The following FGGY variants were observed in gnomAD, a reference collection of about 807,000 sequenced individuals.
FGGY encodes the protein FGGY carbohydrate kinase domain-containing protein.
A neutral mutation model predicts 71.3 loss-of-function variants in FGGY; 72 were observed. The observed-to-expected ratio is 1.01, with a 90% confidence interval of 0.84 to 1.23. The LOEUF (loss-of-function observed/expected upper bound fraction) is 1.23. FGGY is among the 50% of genes most tolerant of loss of function. FGGY has a pLI of 0.00. For missense variants in FGGY, 668 were observed against 682.3 expected, an observed-to-expected ratio of 0.98 and a Z score of 0.23; for synonymous variants, 251 against 250.3, an observed-to-expected ratio of 1.00 and a Z score of -0.02.
chr1:59,695,446 C>G (rs1003063694), intron 14 of FGGY, among the ~76,000 whole-genome samples: 1 of 152,164 alleles, frequency 6.6e-6, no homozygotes, highest in Non-Finnish European at 1.5e-5. Flanking sequence ...CATGTTGTAT[C>G]CTCATGACAA....
chr1:59,437,710 T>G (rs1026004099), intron 5 of FGGY, among the ~76,000 whole-genome samples: 4 of 152,352 alleles, frequency 2.6e-5, no homozygotes, highest in African/African-American at 9.6e-5. Context: ...TATATTTAAC[T>G]TAAAATGTTC....
Position 59,607,860 on chromosome 1 carries a change from G to T in FGGY, c.961G>T (p.Val321Leu), listed in dbSNP as rs1337855502. The stretch of plus-strand genomic sequence containing the variant: ...CTGGGGGCCTTATTTCTCAGCCATG[G>T]TACCTGGGTTCTGGCTGAATGAAGG... ...GVWGPYFSAMVPGFWLNEGGQ... is the reference protein window; with the variant it reads ...GVWGPYFSAMLPGFWLNEGGQ... The change falls in exon 9 of 16, where the codon GTA becomes TTA. Residue 321 changes from valine to leucine, a missense_variant. Physicochemically the swap from Val to Leu is conservative, Grantham distance 32. Coordinates refer to ENST00000303721, the MANE Select transcript of FGGY (RefSeq NM_018291.5). 1 of 1,613,948 alleles carries T rather than the reference G, an allele frequency of 6.2e-7. No homozygotes were observed. Among genetic ancestry groups the T allele is most frequent in the Admixed American group, 1.7e-5 (1 of 59,990 alleles).
At position 59,456,688 on chromosome 1, in the gene FGGY, T is replaced by C. The variant is rs141766320; in HGVS notation, c.555-273T>C. On this transcript the variant is annotated intron_variant, in intron 5 of 15. Transcript: ENST00000303721. ...GTCTCCAACTCCTGACCTTAAGTGA[T>C]CTGCCTGCCTTGGCCTCCCAAAGTG... 1.4e-3 allele frequency among the ~76,000 whole-genome samples: 220 copies of C among 152,306 alleles called. 10 individuals are homozygous for C. In the East Asian group the frequency reaches 0.038, roughly 26 times the overall value.
rs1423979770 is a variant in FGGY at position 59,512,420 on chromosome 1, T to C, written c.780T>C (p.Asp260=). ...PGIAVAASLI[D]AHAGGLGVIG... is the part of the protein sequence containing the mutation. The stretch of plus-strand genomic sequence containing the variant: ...TTGCGGTCGCAGCTTCACTCATTGA[T>C]GCCCATGCAGGAGGACTAGGTAATC... Residue 260 remains aspartate, a synonymous_variant, in exon 7 of 16, where the codon GAT becomes GAC. Coordinates refer to ENST00000303721, the MANE Select transcript of FGGY (RefSeq NM_018291.5). 1.2e-6 allele frequency: 2 copies of C among 1,613,844 alleles called. No homozygotes were observed. The highest frequency in any genetic ancestry group is 1.7e-6 in the Non-Finnish European group (2 of 1,179,892).
At chr1:59,419,699 A>C (rs1190873049) in intron 5 of FGGY, among the ~76,000 whole-genome samples, 1 of 152,166 alleles carries the variant, frequency 6.6e-6, no homozygotes, top group African/African-American at 2.4e-5. Flanking sequence ...ATTCTTGATG[A>C]ACTACTAATT....
intron 14 of FGGY, among the ~76,000 whole-genome samples, chr1:59,717,525 G>A (rs1025081356): frequency 1.3e-5 from 2 of 152,158 alleles, no homozygotes; most frequent in Non-Finnish European, 2.9e-5. Context: ...TGTGAACCCA[G>A]AAGTGTGATA....
intron 1 of FGGY, among the ~76,000 whole-genome samples, chr1:59,313,975 T>C (rs1005294824): frequency 6.6e-6 from 1 of 152,094 alleles, no homozygotes; most frequent in African/African-American, 2.4e-5. Context: ...TTTCTTTTTT[T>C]TTTTGAGACA....
intron 9 of FGGY, among the ~76,000 whole-genome samples, chr1:59,615,313 T>G (rs2096739905): frequency 6.6e-6 from 1 of 152,078 alleles, no homozygotes; most frequent in South Asian, 2.1e-4. Context: ...TATAGACCAA[T>G]GAAACAGAAC....
chr1:59,357,572 C>T (rs835441), intron 4 of FGGY, among the ~76,000 whole-genome samples: 48,380 of 151,902 alleles, frequency 0.32, 8,538 homozygotes, highest in African/African-American at 0.46. Context: ...TAATGAAGGT[C>T]CTTTTGGCTT....
At chr1:59,529,531 C>G (rs2095083146) in intron 7 of FGGY, among the ~76,000 whole-genome samples, 2 of 152,206 alleles carry the variant, frequency 1.3e-5, no homozygotes, top group East Asian at 3.9e-4. Context: ...TAAATGGAGG[C>G]ACTGAGATGA....
At chr1:59,316,243 A>G (rs1273378717) in intron 1 of FGGY, 2 of 152,016 alleles carry the variant, frequency 1.3e-5, no homozygotes, top group African/African-American at 2.4e-5. Flanking sequence ...GAAAGAGGAT[A>G]CTGAATTCCT....
chr1:59,653,407 T>A (rs2097186197), intron 11 of FGGY, among the ~76,000 whole-genome samples: 1 of 152,126 alleles, frequency 6.6e-6, no homozygotes, highest in Non-Finnish European at 1.5e-5. Context: ...TCAGCGAGAT[T>A]CTGTGGGCGT....
intron 6 of FGGY, among the ~76,000 whole-genome samples, chr1:59,509,852 G>T (rs1370879317): frequency 6.6e-6 from 1 of 152,146 alleles, no homozygotes; most frequent in African/African-American, 2.4e-5. Flanking sequence ...AAACTTGGAA[G>T]AGTGCCCCAC....
chr1:59,434,307 C>T (rs1477622644), intron 5 of FGGY, among the ~76,000 whole-genome samples: 1 of 152,166 alleles, frequency 6.6e-6, no homozygotes, highest in Non-Finnish European at 1.5e-5. Context: ...AAGTCAGATT[C>T]TGTGGTTCAT....
At chr1:59,415,836 G>A (rs536434746) in intron 5 of FGGY, among the ~76,000 whole-genome samples, 1 of 152,186 alleles carries the variant, frequency 6.6e-6, no homozygotes, top group African/African-American at 2.4e-5. Flanking sequence ...TCATAACACC[G>A]TAGCTTCTAC....
intron 2 of FGGY, among the ~76,000 whole-genome samples, chr1:59,336,413 GTTCT>G (rs1387121590): frequency 6.7e-6 from 1 of 150,142 alleles, no homozygotes; most frequent in Non-Finnish European, 1.5e-5. Flanking sequence ...TATTTTCCAA[GTTCT>G]TTCTATTCAA....
chr1:59,407,539 G>T (rs1274067046), intron 5 of FGGY, among the ~76,000 whole-genome samples: 1 of 152,030 alleles, frequency 6.6e-6, no homozygotes, highest in African/African-American at 2.4e-5. Flanking sequence ...AACCTGACTA[G>T]CTCATCCACG....
chr1:59,334,458 A>G (rs563026100), intron 2 of FGGY, among the ~76,000 whole-genome samples: 1 of 152,284 alleles, frequency 6.6e-6, no homozygotes, highest in South Asian at 2.1e-4. Context: ...CTTGTTTTTC[A>G]TGAAAAACTA....
chr1:59,595,911 G>T (rs1460060201), intron 8 of FGGY, among the ~76,000 whole-genome samples: 1 of 152,070 alleles, frequency 6.6e-6, no homozygotes, highest in African/African-American at 2.4e-5. Flanking sequence ...AAGGCATTTT[G>T]TTATGATCTG....
Sources: allele counts gnomAD v4.1 joint callset (sites outside exome capture counted in the v4.1 genomes callset), GRCh38; gene constraint gnomAD v4.1.1; transcripts MANE v1.5; gene names NCBI Gene and HGNC (gene_info 2026-07-23, HGNC 2026-07-21).